The following SP100 variants were observed in gnomAD, a reference collection of about 807,000 sequenced individuals.
The protein encoded by SP100 is nuclear autoantigen Sp-100.
SP100 carries 84 observed loss-of-function variants against 130.0 expected under a neutral mutation model. That is an observed-to-expected ratio of 0.65 (90% CI 0.54 to 0.77). SP100 has a LOEUF of 0.77. SP100 is among the 30% of genes least tolerant of loss of function. SP100 has a pLI of 0.00. For missense variants in SP100, 978 were observed against 1,052.2 expected (o/e 0.93, Z 0.97); for synonymous variants, 331 against 351.7 (o/e 0.94, Z 0.66).
intron 17 of SP100, among the ~76,000 whole-genome samples, chr2:230,491,348 C>T (rs1287618748): frequency 1.3e-5 from 2 of 152,194 alleles, no homozygotes; most frequent in African/African-American, 4.8e-5. Flanking sequence ...GGGTTCTGTC[C>T]CTGAGCCTCT....
chr2:230,462,878 G>C (rs772370040), intron 10 of SP100, among the ~76,000 whole-genome samples: 5 of 152,158 alleles, frequency 3.3e-5, no homozygotes. Context: ...ATAGAGAACA[G>C]AAAACTAAAT....
rs547047482 is a variant in SP100, at chr2:230,445,360, GA to G, written c.439+1018del. ...GCTATGGGAACTGGAATAAAAGTGT[GA>G]AAACATGTCTGCAAAACAGGGCAAA... On this transcript the variant is annotated intron_variant, in intron 4 of 28. Transcript: ENST00000340126. 1.4e-4 allele frequency among the ~76,000 whole-genome samples: 21 copies of G among 152,284 alleles called. No homozygotes were observed. In the East Asian group the frequency reaches 4.1e-3, roughly 29 times the overall value.
rs935560546 is a variant in SP100 at position 230,467,010 on chromosome 2, G to A, written c.1196-110G>A. ...GAGGCACGGACATTCTTGCCCTGAAGTTTCAGAGCATCACAAATTTTCCTA... is the reference window on the plus strand; with the variant it reads ...GAGGCACGGACATTCTTGCCCTGAAATTTCAGAGCATCACAAATTTTCCTA... On this transcript the variant is annotated intron_variant, in intron 12 of 28. Coordinates refer to ENST00000340126, the MANE Select transcript of SP100 (RefSeq NM_001080391.2). 10 of 747,620 alleles carry A rather than the reference G, an allele frequency of 1.3e-5. No homozygotes were observed. In the African/African-American group the frequency reaches 1.6e-4, roughly 12 times the overall value. The allele number at this position is 747,620 out of a possible 1,614,324, so 46.3% of individuals were successfully genotyped here.
intron 17 of SP100, among the ~76,000 whole-genome samples, chr2:230,475,274 A>G (rs1403431215): frequency 6.6e-6 from 1 of 152,036 alleles, no homozygotes; most frequent in East Asian, 1.9e-4. Context: ...TCTGATTTGC[A>G]TTTATCTGAT....
chr2:230,541,170 A>G (rs952608025), intron 26 of SP100, 131 bp from the exon 27 acceptor site: 146 of 1,219,076 alleles, frequency 1.2e-4, no homozygotes, highest in African/African-American at 2.0e-4. Context: ...TCCCGGTCCA[A>G]AGAAACTCCC....
At chr2:230,461,003 C>A (rs1162745968) in intron 8 of SP100, among the ~76,000 whole-genome samples, 1 of 99,904 alleles carries the variant, frequency 1.0e-5, no homozygotes, top group East Asian at 2.8e-4. Context: ...TCTTATACTG[C>A]AATTATAATT....
intron 24 of SP100, among the ~76,000 whole-genome samples, chr2:230,535,195 C>CA (rs59108942): frequency 0.46 from 66,938 of 145,716 alleles, 15,188 homozygotes; most frequent in South Asian, 0.56. Context: ...GACTCCATCT[C>CA]AAAAAAAAAA....
intron 14 of SP100, 36 bp from the exon 15 acceptor site, chr2:230,469,979 A>G (rs754903079): frequency 1.3e-6 from 2 of 1,594,528 alleles, no homozygotes; most frequent in South Asian, 2.3e-5. Flanking sequence ...TAAGACTCAG[A>G]CTAAGACTGT....
intron 19 of SP100, 41 bp downstream of exon 19, chr2:230,498,576 A>T: frequency 1.8e-6 from 2 of 1,120,326 alleles, no homozygotes; most frequent in East Asian, 3.0e-5. Context: ...TAACGTCTAA[A>T]TTCTCATGCT....
At position 230,545,592 on chromosome 2, in the gene SP100, A is replaced by AT. The variant is rs1429387410; in HGVS notation, c.*2650dup. On this transcript the variant is annotated 3_prime_UTR_variant, in exon 29 of 29. Transcript: ENST00000340126. ...GTAAATAAATGGATCATTAAAAAAA[A>AT]TTTTAATAATAAAATTGTCTTATCA... Among the ~76,000 whole-genome samples, 2 of 152,202 alleles carry AT rather than the reference A, an allele frequency of 1.3e-5. No homozygotes were observed. The highest frequency in any genetic ancestry group is 4.8e-5 in the African/African-American group (2 of 41,432).
chr2:230,526,183 T>G (rs1322518089), intron 24 of SP100, among the ~76,000 whole-genome samples: 1 of 152,024 alleles, frequency 6.6e-6, no homozygotes, highest in South Asian at 2.1e-4. Context: ...AACAGGCAGG[T>G]GCCCCTCCGG....
chr2:230,416,308 G>A lies in SP100; in HGVS notation c.12G>A (p.Gly4=), dbSNP rs1295552154. 6.2e-7 allele frequency: 1 copy of A among 1,613,526 alleles called. No homozygotes were observed. MAG[G]GGDLSTRRLN... is the part of the protein sequence containing the mutation. Reference sequence around the variant, plus strand: ...CCTAGGGTGGGAAGATGGCAGGTGGGGGCGGCGACCTGAGCACCAGGTGAG... The same window carrying A: ...CCTAGGGTGGGAAGATGGCAGGTGGAGGCGGCGACCTGAGCACCAGGTGAG... Residue 4 remains glycine (G), a synonymous_variant, in exon 1 of 29, where the codon GGG becomes GGA. Transcript: ENST00000340126.
chr2:230,511,316 T>C (rs1448013745), intron 24 of SP100, 150 bp downstream of exon 24: 5 of 678,024 alleles, frequency 7.4e-6, no homozygotes, highest in East Asian at 2.6e-5. Context: ...GGTACCTGGG[T>C]CTGGGATTGG....
intron 7 of SP100, 68 bp from the exon 8 acceptor site, chr2:230,450,104 C>A: frequency 8.7e-7 from 1 of 1,146,136 alleles, no homozygotes; most frequent in Non-Finnish European, 1.3e-6. Flanking sequence ...AGGGTGAGGT[C>A]TAACCAAATG....
rs1332099710 is a variant in SP100, at chr2:230,416,331, G to A, written c.32+3G>A. 5 of 1,612,834 alleles carry A rather than the reference G, an allele frequency of 3.1e-6. No individual in the cohort carries two copies. The African/African-American group carries it at 6.7e-5, about 22-fold the overall frequency. On this transcript the variant is annotated splice_donor_region_variant and intron_variant, in intron 1 of 28. Transcript: ENST00000340126. ...GGGGGCGGCGACCTGAGCACCAGGT[G>A]AGTCTTTATCTCCCTTCCTTTAACC... is the stretch of plus-strand genomic sequence containing the variant.
intron 24 of SP100, among the ~76,000 whole-genome samples, chr2:230,521,131 T>C (rs1691151560): frequency 6.6e-6 from 1 of 152,212 alleles, no homozygotes; most frequent in Non-Finnish European, 1.5e-5. Context: ...AAGTGGCCTG[T>C]AGGTTTTCAC....
At chr2:230,517,744 A>T (rs1208653262) in intron 24 of SP100, among the ~76,000 whole-genome samples, 2 of 149,208 alleles carry the variant, frequency 1.3e-5, no homozygotes, top group Non-Finnish European at 3.0e-5. Context: ...TAGCCTGGGC[A>T]ACAGAGCAAG....
intron 14 of SP100, chr2:230,469,334 G>T: frequency 9.6e-6 from 5 of 518,338 alleles, no homozygotes; most frequent in Non-Finnish European, 1.8e-5. Context: ...GGATAAAGTA[G>T]TTCCTGAGTA....
rs541851959 is a variant in SP100 at position 230,532,854 on chromosome 2, T to C, written c.2095-6413T>C. Among the ~76,000 whole-genome samples, 40 of 152,280 alleles carry C rather than the reference T, an allele frequency of 2.6e-4. 1 individual carries two copies. In the South Asian group the frequency reaches 5.8e-3, roughly 22 times the overall value. On this transcript the variant is annotated intron_variant, in intron 24 of 28. Transcript: ENST00000340126. ...GGAGTGCAGTGTCGCGATCTTGGCT[T>C]ACTGCAACCTCTGCCTCCTGGGTTC...
Sources: allele counts gnomAD v4.1 joint callset (sites outside exome capture counted in the v4.1 genomes callset), GRCh38; gene constraint gnomAD v4.1.1; transcripts MANE v1.5; gene names NCBI Gene and HGNC (gene_info 2026-07-23, HGNC 2026-07-21).